MORC1: variants seen among roughly 807,000 people sequenced by gnomAD.
MORC1 encodes the protein MORC family CW-type zinc finger protein 1.
A neutral mutation model predicts 134.9 loss-of-function variants in MORC1; 59 were observed. That is an observed-to-expected ratio of 0.44 (90% CI 0.35 to 0.54). MORC1 has a LOEUF of 0.54. MORC1 is among the 20% of genes least tolerant of loss of function. The pLI is 0.00. For synonymous variants in MORC1, 395 were observed against 391.7 expected (o/e 1.01, Z -0.10); for missense variants, 947 against 1,134.5 (o/e 0.83, Z 2.37).
intron 14 of MORC1, among the ~76,000 whole-genome samples, chr3:109,039,613 G>T (rs72935360): frequency 6.6e-6 from 1 of 152,076 alleles, no homozygotes; most frequent in Non-Finnish European, 1.5e-5. Flanking sequence ...GTTAATTTCC[G>T]TCATTTCAGC....
intron 8 of MORC1, among the ~76,000 whole-genome samples, chr3:109,079,717 C>A (rs1254762325): frequency 6.6e-6 from 1 of 151,988 alleles, no homozygotes; most frequent in African/African-American, 2.4e-5. Flanking sequence ...TCCTTATTTG[C>A]AGATGATAAG....
At chr3:108,963,705 T>C in intron 26 of MORC1, 97 bp from the exon 27 acceptor site, 1 of 839,622 alleles carries the variant, frequency 1.2e-6, no homozygotes, top group Non-Finnish European at 1.8e-6. Context: ...TGCCTACATG[T>C]ACCAAGTGTC....
At position 108,987,483 on chromosome 3, in the gene MORC1, A is replaced by G. The variant is rs573461676; in HGVS notation, c.2188-534T>C. ...TTGACCTGGAATACTGGGGGATGGG[A>G]TATCTCATCTTCTGACAGAATCCCA... On this transcript the variant is annotated intron_variant, in intron 21 of 27. Coordinates refer to ENST00000232603, the MANE Select transcript of MORC1 (RefSeq NM_014429.4). Among the ~76,000 whole-genome samples the G allele has an allele frequency of 2.1e-4, 32 of 152,186 alleles. No individual in the cohort carries two copies. In the East Asian group the frequency reaches 6.0e-3, roughly 29 times the overall value.
chr3:108,986,373 C>A (rs1947893752), intron 22 of MORC1, among the ~76,000 whole-genome samples: 1 of 152,042 alleles, frequency 6.6e-6, no homozygotes, highest in Non-Finnish European at 1.5e-5. Context: ...AACTTCATGC[C>A]TTAAATAAGT....
At chr3:109,059,223 C>A (rs1341570107) in intron 12 of MORC1, among the ~76,000 whole-genome samples, 2 of 152,086 alleles carry the variant, frequency 1.3e-5, no homozygotes, top group East Asian at 3.8e-4. Context: ...AAAGTCTGAT[C>A]TTATGTGGGC....
At chr3:109,033,755 CTCA>C (rs977631448) in intron 15 of MORC1, among the ~76,000 whole-genome samples, 9 of 152,038 alleles carry the variant, frequency 5.9e-5, no homozygotes, top group South Asian at 2.1e-4. Context: ...CATCCTCCTC[CTCA>C]TCATCATCAT....
intron 3 of MORC1, 87 bp from the exon 4 acceptor site, chr3:109,104,004 C>T: frequency 1.6e-6 from 2 of 1,216,516 alleles, no homozygotes; most frequent in Non-Finnish European, 2.4e-6. Context: ...TATTCGTCTT[C>T]CTCCAATGCA....
intron 21 of MORC1, among the ~76,000 whole-genome samples, chr3:108,997,610 T>A (rs1948270231): frequency 6.6e-6 from 1 of 152,100 alleles, no homozygotes; most frequent in Non-Finnish European, 1.5e-5. Flanking sequence ...ATTGAGGGAC[T>A]CAGTGGGGGT....
chr3:109,054,009 C>T (rs1949891310), intron 14 of MORC1, among the ~76,000 whole-genome samples: 1 of 152,100 alleles, frequency 6.6e-6, no homozygotes, highest in Non-Finnish European at 1.5e-5. Context: ...TCTGCCCAGG[C>T]GTGGTGGCTC....
At chr3:109,071,971 G>C (rs1950327870) in intron 8 of MORC1, among the ~76,000 whole-genome samples, 1 of 152,104 alleles carries the variant, frequency 6.6e-6, no homozygotes, top group Admixed American at 6.6e-5. Flanking sequence ...TCTAAGAATA[G>C]ACACCTGCTA....
intron 16 of MORC1, among the ~76,000 whole-genome samples, chr3:109,031,134 A>T (rs538123597): frequency 2.0e-5 from 3 of 152,204 alleles, no homozygotes; most frequent in Non-Finnish European, 2.9e-5. Context: ...GAAACTGCAG[A>T]CGACAGCTTC....
At chr3:109,037,033 C>T (rs1252312816) in intron 14 of MORC1, among the ~76,000 whole-genome samples, 2 of 152,196 alleles carry the variant, frequency 1.3e-5, no homozygotes, top group Non-Finnish European at 2.9e-5. Context: ...CAAAACAACC[C>T]TTGACCATAA....
chr3:109,012,783 CA>C (rs1451488913), intron 17 of MORC1, among the ~76,000 whole-genome samples: 1 of 152,176 alleles, frequency 6.6e-6, no homozygotes. Context: ...AAGCTCATTT[CA>C]GTAGTTCTAG....
At position 109,027,761 on chromosome 3, in the gene MORC1, T is replaced by C. The variant is rs1385585458; in HGVS notation, c.1694A>G (p.Gln565Arg). The C allele has an allele frequency of 3.1e-6, 5 of 1,613,734 alleles. No homozygotes were observed. In the East Asian group the frequency reaches 1.1e-4, roughly 36 times the overall value. The change falls in exon 17 of 28, where the codon CAG (glutamine) becomes CGG (arginine). Residue 565 changes from glutamine (Q) to arginine (R), a missense_variant. By Grantham distance (43) the Gln-to-Arg change is conservative. This residue lies in a region of MORC1 where 722 missense variants were observed against 817.0 expected (regional missense o/e 0.88). Coordinates refer to ENST00000232603, the MANE Select transcript of MORC1 (RefSeq NM_014429.4). ...TTAATCACAACTCACCTGTGGCTGC[T>C]GTTCTGCCAGTCTATTTTGATACTT... ...VIKYQNRLAE[Q>R]QPQPQFIPVD...
chr3:108,984,393 A>G (rs549966213), intron 23 of MORC1, among the ~76,000 whole-genome samples: 2 of 152,270 alleles, frequency 1.3e-5, no homozygotes, highest in East Asian at 3.9e-4. Context: ...AAAATCAGTT[A>G]ATGATTTCAT....
chr3:109,001,833 G>T (rs74427951), intron 20 of MORC1, among the ~76,000 whole-genome samples: 2 of 152,080 alleles, frequency 1.3e-5, no homozygotes, highest in African/African-American at 4.8e-5. Context: ...TCATGTATAT[G>T]ACTTTTCTCT....
chr3:109,078,587 A>C (rs1950467532), intron 8 of MORC1, among the ~76,000 whole-genome samples: 1 of 151,948 alleles, frequency 6.6e-6, no homozygotes, highest in Admixed American at 6.6e-5. Context: ...TGTTTAGATT[A>C]GAAAATGAAA....
intron 14 of MORC1, among the ~76,000 whole-genome samples, chr3:109,038,802 T>A (rs560039021): frequency 1.8e-4 from 27 of 152,318 alleles, no homozygotes; most frequent in Non-Finnish European, 1.5e-5. Context: ...TCTATATATC[T>A]GTTTTGGTAC....
chr3:109,089,960 T>C (rs1950684194), intron 8 of MORC1, among the ~76,000 whole-genome samples: 1 of 152,166 alleles, frequency 6.6e-6, no homozygotes, highest in Non-Finnish European at 1.5e-5. Flanking sequence ...ACTCACTTTC[T>C]GCATATAGCC....
Sources: allele counts gnomAD v4.1 joint callset (sites outside exome capture counted in the v4.1 genomes callset), GRCh38; gene constraint gnomAD v4.1.1; regional missense constraint gnomAD v4.1.1; transcripts MANE v1.5; gene names NCBI Gene and HGNC (gene_info 2026-07-23, HGNC 2026-07-21).